The following EZR variants were observed in gnomAD, a reference collection of about 807,000 sequenced individuals.
The protein encoded by EZR is ezrin.
In EZR, 40 loss-of-function variants were observed where a neutral mutation model predicts 74.8. The observed-to-expected ratio is 0.53, with a 90% CI of 0.42 to 0.70. The LOEUF (loss-of-function observed/expected upper bound fraction) is 0.70. Ranked by LOEUF, EZR falls within the 30% of genes least tolerant of loss-of-function variation. The probability of loss-of-function intolerance (pLI) is 0.00; values close to 1 mark genes in which losing one functional copy is unlikely to be tolerated. For missense variants in EZR, 678 were observed against 755.8 expected, an observed-to-expected ratio of 0.90 and a Z score of 1.21; for synonymous variants, 341 against 283.3, an observed-to-expected ratio of 1.20 and a Z score of -2.05.
At chr6:158,783,767 A>G (rs1791491937) in intron 6 of EZR, 101 bp from the exon 7 acceptor site, 4 of 1,269,832 alleles carry the variant, frequency 3.2e-6, no homozygotes, top group Non-Finnish European at 4.4e-6. Flanking sequence ...CTTGTGTAGG[A>G]TGGGCTCAAT....
intron 2 of EZR, among the ~76,000 whole-genome samples, chr6:158,803,545 G>A (rs9457467): frequency 0.37 from 3,302 of 9,036 alleles, 384 homozygotes; most frequent in South Asian, 0.44. Flanking sequence ...ATATATATAT[G>A]TATATATATA....
chr6:158,789,467 G>A (rs113860686), intron 2 of EZR, 96 bp from the exon 3 acceptor site: 15 of 1,067,732 alleles, frequency 1.4e-5, no homozygotes, highest in African/African-American at 9.3e-5. Flanking sequence ...TCAGTGTGGC[G>A]ACGGCATATG....
At chr6:158,781,134 T>TAACAGCGC (rs1791422291) in intron 7 of EZR, among the ~76,000 whole-genome samples, 1 of 152,066 alleles carries the variant, frequency 6.6e-6, no homozygotes, top group African/African-American at 2.4e-5. Context: ...CCGAGAGAGG[T>TAACAGCGC]AACAGCGCAA....
intron 2 of EZR, among the ~76,000 whole-genome samples, chr6:158,814,373 A>AAAT (rs1777508517): frequency 6.6e-6 from 1 of 151,110 alleles, no homozygotes; most frequent in South Asian, 2.1e-4. Flanking sequence ...TTTCCCCATC[A>AAAT]GATTTTCCTC....
intron 12 of EZR, 113 bp downstream of exon 12, chr6:158,769,213 G>A (rs571752472): frequency 2.6e-6 from 2 of 765,740 alleles, no homozygotes; most frequent in African/African-American, 3.4e-5. Context: ...GTGGGATGTG[G>A]CAGCTTGAGC....
At chr6:158,785,176 A>T in intron 5 of EZR, 133 bp downstream of exon 5, 1 of 1,138,490 alleles carries the variant, frequency 8.8e-7, no homozygotes, top group Non-Finnish European at 1.2e-6. Context: ...TCAGTGACTT[A>T]ATGACTAGCA....
intron 2 of EZR, among the ~76,000 whole-genome samples, chr6:158,813,617 A>G (rs1312678012): frequency 2.0e-5 from 3 of 152,270 alleles, no homozygotes; most frequent in Non-Finnish European, 4.4e-5. Context: ...GGGGGAGTAC[A>G]TTCAGTAAAC....
intron 2 of EZR, among the ~76,000 whole-genome samples, chr6:158,790,015 G>C (rs1791693110): frequency 6.6e-6 from 1 of 152,128 alleles, no homozygotes; most frequent in Non-Finnish European, 1.5e-5. Flanking sequence ...GGAGGCAGGA[G>C]GGCTCCCAAG....
chr6:158,809,999 C>CA (rs1382530149), intron 2 of EZR, among the ~76,000 whole-genome samples: 1 of 152,124 alleles, frequency 6.6e-6, no homozygotes, highest in Non-Finnish European at 1.5e-5. Flanking sequence ...TCCACACAGG[C>CA]AGTTTAAAAT....
chr6:158,777,087 T>C (rs778535305), intron 7 of EZR, among the ~76,000 whole-genome samples: 1 of 152,262 alleles, frequency 6.6e-6, no homozygotes, highest in Non-Finnish European at 1.5e-5. Flanking sequence ...GAGGCCTCTC[T>C]TAACATACAG....
At chr6:158,804,922 C>T (rs1702702554) in intron 2 of EZR, among the ~76,000 whole-genome samples, 1 of 115,548 alleles carries the variant, frequency 8.7e-6, no homozygotes, top group African/African-American at 3.5e-5. Flanking sequence ...CCTCCCCCCA[C>T]CCCACAACAG....
chr6:158,781,698 C>CACGG (rs1481799056), intron 7 of EZR, among the ~76,000 whole-genome samples: 1 of 152,142 alleles, frequency 6.6e-6, no homozygotes, highest in South Asian at 2.1e-4. Context: ...TCTTAATAGC[C>CACGG]ACGGCTTCAG....
chr6:158,810,962 A>G (rs1422365768), intron 2 of EZR, among the ~76,000 whole-genome samples: 2 of 152,214 alleles, frequency 1.3e-5, no homozygotes, highest in Admixed American at 6.5e-5. Flanking sequence ...AAATACAGGT[A>G]AGCAGTAAAT....
intron 2 of EZR, among the ~76,000 whole-genome samples, chr6:158,796,490 C>T (rs1777074564): frequency 6.6e-6 from 1 of 152,214 alleles, no homozygotes; most frequent in Non-Finnish European, 1.5e-5. Context: ...TATTGAGTGG[C>T]TGGAGACCAT....
intron 2 of EZR, among the ~76,000 whole-genome samples, chr6:158,806,249 G>C (rs1187760302): frequency 6.6e-6 from 1 of 152,178 alleles, no homozygotes; most frequent in African/African-American, 2.4e-5. Flanking sequence ...GCAGGGAATG[G>C]GGGACCTGCC....
chr6:158,791,540 AG>A (rs1791745890), intron 2 of EZR, among the ~76,000 whole-genome samples: 1 of 152,026 alleles, frequency 6.6e-6, no homozygotes. Context: ...ACTAAAGTGG[AG>A]GGGCGTTTGC....
At position 158,766,415 on chromosome 6, in the gene EZR, G is replaced by A. The variant is rs1038973287; in HGVS notation, c.*499C>T. The A allele has an allele frequency of 6.5e-6, 1 of 153,512 alleles. No individual in the cohort carries two copies. Among genetic ancestry groups the A allele is most frequent in the Admixed American group, 6.5e-5 (1 of 15,342 alleles). 9.5% of individuals were successfully genotyped at this position (153,512 alleles called of 1,614,324 possible). On this transcript the variant is annotated 3_prime_UTR_variant, in exon 14 of 14. Transcript: ENST00000367075. The stretch of plus-strand genomic sequence containing the variant: ...ACGGGAGGAGGGAATCACTGTGTGT[G>A]CGAGAGTGCTTCAGACTCAATTTCC...
At chr6:158,817,226 A>T (rs941689690) in intron 2 of EZR, among the ~76,000 whole-genome samples, 1 of 152,354 alleles carries the variant, frequency 6.6e-6, no homozygotes, top group Non-Finnish European at 1.5e-5. Flanking sequence ...AACTCAAAAA[A>T]TGTTAAACCT....
chr6:158,786,927 G>A (rs982958160), intron 4 of EZR, among the ~76,000 whole-genome samples, 181 bp downstream of exon 4: 47 of 152,306 alleles, frequency 3.1e-4, no homozygotes, highest in African/African-American at 1.1e-3. Context: ...AGAAATGCCA[G>A]ATCTGATTTC....
Sources: gnomAD v4.1 joint callset for allele counts (sites outside exome capture counted in the v4.1 genomes callset) on GRCh38, gnomAD v4.1.1 for gene constraint, MANE v1.5 for transcripts, NCBI Gene and HGNC (gene_info 2026-07-23, HGNC 2026-07-21) for gene names.